The following GALNTL6 variants were observed in gnomAD, a reference collection of about 807,000 sequenced individuals.
GALNTL6 encodes the protein polypeptide N-acetylgalactosaminyltransferase-like 6.
A neutral mutation model predicts 73.7 loss-of-function variants in GALNTL6; 46 were observed. The observed-to-expected ratio is 0.62, with a 90% CI of 0.49 to 0.80. The LOEUF (loss-of-function observed/expected upper bound fraction) is 0.80. Ranked by LOEUF, GALNTL6 falls within the 30% of genes least tolerant of loss-of-function variation. GALNTL6 has a pLI of 0.00. For synonymous variants in GALNTL6, 259 were observed against 263.7 expected (o/e 0.98, Z 0.17); for missense variants, 604 against 755.0 (o/e 0.80, Z 2.34).
At position 172,323,890 on chromosome 4, in the gene GALNTL6, G is replaced by A. The variant is rs187939333; in HGVS notation, c.386+12138G>A. On this transcript the variant is annotated intron_variant, in intron 4 of 12. Transcript: ENST00000506823. ...GCTCTAGCCATGAGGTCAGAAACAA[G>A]TTCTAGTATTTTGAATTGGTGTCCT... is the stretch of plus-strand genomic sequence containing the variant. 8.0e-4 allele frequency among the ~76,000 whole-genome samples: 121 copies of A among 152,144 alleles called. 2 individuals carry two copies. In the South Asian group the frequency reaches 0.016, roughly 20 times the overall value.
intron 2 of GALNTL6, among the ~76,000 whole-genome samples, chr4:171,992,934 C>T (rs929492536): frequency 6.6e-6 from 1 of 152,038 alleles, no homozygotes; most frequent in African/African-American, 2.4e-5. Context: ...TCATCTACTT[C>T]TTACATTTCA....
At chr4:172,309,488 G>C (rs142589192) in intron 3 of GALNTL6, among the ~76,000 whole-genome samples, 1 of 151,952 alleles carries the variant, frequency 6.6e-6, no homozygotes, top group East Asian at 1.9e-4. Context: ...TTTCTTAAAT[G>C]ATGAGTTATA....
At chr4:172,566,639 A>G (rs959191737) in intron 5 of GALNTL6, among the ~76,000 whole-genome samples, 6 of 152,086 alleles carry the variant, frequency 3.9e-5, no homozygotes, top group African/African-American at 1.4e-4. Context: ...AAAAGAAAAA[A>G]ACTACATCCA....
intron 2 of GALNTL6, among the ~76,000 whole-genome samples, chr4:172,225,323 T>G (rs1430647360): frequency 6.6e-6 from 1 of 152,072 alleles, no homozygotes; most frequent in Non-Finnish European, 1.5e-5. Flanking sequence ...AGATTAGGTA[T>G]GCAAGCATAC....
At chr4:172,344,415 G>C (rs756254074) in intron 4 of GALNTL6, among the ~76,000 whole-genome samples, 1 of 152,116 alleles carries the variant, frequency 6.6e-6, no homozygotes, top group Non-Finnish European at 1.5e-5. Flanking sequence ...AATTCAATCA[G>C]ATTAAGTGCT....
intron 5 of GALNTL6, among the ~76,000 whole-genome samples, chr4:172,588,594 G>A (rs758435584): frequency 2.0e-4 from 31 of 151,738 alleles, no homozygotes; most frequent in Non-Finnish European, 3.8e-4. Context: ...GCCTAAAAGT[G>A]GCTATTTAAT....
chr4:172,631,393 C>T (rs1428227153), intron 5 of GALNTL6, among the ~76,000 whole-genome samples: 2 of 152,144 alleles, frequency 1.3e-5, no homozygotes, highest in East Asian at 3.9e-4. Context: ...AGTCCACCTG[C>T]CTCAGCCTCC....
At chr4:172,630,292 T>C (rs574192295) in intron 5 of GALNTL6, among the ~76,000 whole-genome samples, 1 of 152,270 alleles carries the variant, frequency 6.6e-6, no homozygotes, top group Non-Finnish European at 1.5e-5. Context: ...CAAACCCAAG[T>C]AAGACTGGAG....
At chr4:171,852,392 T>C (rs1432510551) in intron 2 of GALNTL6, among the ~76,000 whole-genome samples, 2 of 151,848 alleles carry the variant, frequency 1.3e-5, no homozygotes, top group African/African-American at 4.8e-5. Context: ...CAGGTGTGCA[T>C]TGCTTAAAGA....
At chr4:172,115,528 T>C (rs1732963332) in intron 2 of GALNTL6, among the ~76,000 whole-genome samples, 1 of 152,154 alleles carries the variant, frequency 6.6e-6, no homozygotes, top group Non-Finnish European at 1.5e-5. Context: ...TCCAAAATAT[T>C]GGTTTCACAA....
chr4:172,392,203 G>A (rs1743687217), intron 5 of GALNTL6, among the ~76,000 whole-genome samples: 1 of 151,984 alleles, frequency 6.6e-6, no homozygotes. Context: ...TGGTCAGGCT[G>A]GTCTCAAACT....
chr4:172,575,411 C>G (rs373214703), intron 5 of GALNTL6, among the ~76,000 whole-genome samples: 25 of 152,258 alleles, frequency 1.6e-4, no homozygotes, highest in African/African-American at 5.8e-4. Context: ...TTCACATACA[C>G]CAGCAACAAT....
chr4:171,885,541 C>T (rs1261475997), intron 2 of GALNTL6, among the ~76,000 whole-genome samples: 2 of 152,178 alleles, frequency 1.3e-5, no homozygotes, highest in Non-Finnish European at 1.5e-5. Flanking sequence ...CATGGTGGCT[C>T]ATGCCTGTAA....
At chr4:172,761,625 A>G (rs1738098693) in intron 5 of GALNTL6, among the ~76,000 whole-genome samples, 2 of 151,822 alleles carry the variant, frequency 1.3e-5, no homozygotes, top group Admixed American at 1.3e-4. Context: ...AGTTCTCATG[A>G]GATCTGATGG....
chr4:172,726,722 T>C (rs557857286), intron 5 of GALNTL6, among the ~76,000 whole-genome samples: 16 of 152,288 alleles, frequency 1.1e-4, no homozygotes, highest in African/African-American at 3.1e-4. Context: ...TCAACACATA[T>C]TGATTGAGAG....
At chr4:172,004,904 A>C (rs1046076854) in intron 2 of GALNTL6, among the ~76,000 whole-genome samples, 37 of 151,880 alleles carry the variant, frequency 2.4e-4, no homozygotes, top group Admixed American at 5.9e-4. Context: ...AAAAAAAAGA[A>C]GAAAAAGTTT....
chr4:172,539,197 A>T (rs550555988), intron 5 of GALNTL6, among the ~76,000 whole-genome samples: 1 of 152,296 alleles, frequency 6.6e-6, no homozygotes, highest in South Asian at 2.1e-4. Context: ...TCATTGCAAC[A>T]TATCCCCATC....
chr4:172,570,583 A>G (rs1458229361), intron 5 of GALNTL6, among the ~76,000 whole-genome samples: 1 of 152,152 alleles, frequency 6.6e-6, no homozygotes, highest in Non-Finnish European at 1.5e-5. Context: ...ATTGTGAGAA[A>G]ATAAGTTTTC....
At chr4:171,947,003 A>T (rs1446884021) in intron 2 of GALNTL6, among the ~76,000 whole-genome samples, 1 of 152,088 alleles carries the variant, frequency 6.6e-6, no homozygotes. Context: ...TAGAAAATGG[A>T]TTAGATGTCG....
Sources: gnomAD v4.1 joint callset for allele counts (sites outside exome capture counted in the v4.1 genomes callset) on GRCh38, gnomAD v4.1.1 for gene constraint, MANE v1.5 for transcripts, NCBI Gene and HGNC (gene_info 2026-07-23, HGNC 2026-07-21) for gene names.